MAP2K4: variants seen among roughly 807,000 people sequenced by gnomAD.
MAP2K4 encodes the protein dual specificity mitogen-activated protein kinase kinase 4.
MAP2K4 carries 4 observed loss-of-function variants against 48.5 expected under a neutral mutation model. That is an observed-to-expected ratio of 0.08 (90% confidence interval 0.04 to 0.19). The LOEUF (loss-of-function observed/expected upper bound fraction) is 0.19, where lower values mean the gene tolerates loss of function less well. Among genes scored for constraint, MAP2K4 ranks in the 10% least tolerant of loss-of-function variants. The pLI, the probability that MAP2K4 is intolerant of heterozygous loss-of-function variation, is 1.00. For synonymous variants in MAP2K4, 166 were observed against 173.1 expected, an observed-to-expected ratio of 0.96 and a Z score of 0.32; for missense variants, 258 against 493.3, an observed-to-expected ratio of 0.52 and a Z score of 4.52.
At chr17:12,039,345 T>A (rs930890186) in intron 1 of MAP2K4, among the ~76,000 whole-genome samples, 9 of 152,208 alleles carry the variant, frequency 5.9e-5, no homozygotes, top group Non-Finnish European at 1.3e-4. Context: ...CACCCCACTT[T>A]CTTTTTGGCA....
At chr17:12,130,417 A>G (rs945174843) in intron 9 of MAP2K4, among the ~76,000 whole-genome samples, 1 of 152,212 alleles carries the variant, frequency 6.6e-6, no homozygotes, top group Non-Finnish European at 1.5e-5. Flanking sequence ...ATAATTGCAT[A>G]AATGTGATCA....
intron 9 of MAP2K4, among the ~76,000 whole-genome samples, chr17:12,135,406 A>C (rs1387768503): frequency 6.6e-6 from 1 of 151,912 alleles, no homozygotes; most frequent in African/African-American, 2.4e-5. Flanking sequence ...TTCTTAAAAA[A>C]ATTTTTGTAG....
intron 2 of MAP2K4, among the ~76,000 whole-genome samples, chr17:12,070,654 A>G (rs1199342854): frequency 1.3e-5 from 2 of 152,220 alleles, no homozygotes; most frequent in Non-Finnish European, 2.9e-5. Context: ...CATTTATATC[A>G]TGTAGTCAGC....
Position 12,081,290 on chromosome 17 carries a change from G to A in MAP2K4, c.219-66G>A. The A allele has an allele frequency of 7.0e-6, 9 of 1,277,780 alleles. No individual in the cohort carries two copies. The highest frequency in any genetic ancestry group is 1.5e-5 in the African/African-American group (1 of 66,728). The allele number at this position is 1,277,780 out of a possible 1,614,324, so 79.2% of individuals were successfully genotyped here. On this transcript the variant is annotated intron_variant, in intron 2 of 10. Coordinates refer to ENST00000353533, the MANE Select transcript of MAP2K4 (RefSeq NM_003010.4). The surrounding 1 kb of genome is among the most constrained non-coding windows in gnomAD (Gnocchi z 4.2). Reference sequence around the variant, plus strand: ...AAACATTTTTCCCACACATTAATCAGTACTAAAAGAAAAAAGTTAAAACCT... The same window carrying A: ...AAACATTTTTCCCACACATTAATCAATACTAAAAGAAAAAAGTTAAAACCT...
chr17:12,061,499 A>G (rs1220564948), intron 2 of MAP2K4, among the ~76,000 whole-genome samples: 1 of 152,144 alleles, frequency 6.6e-6, no homozygotes, highest in Non-Finnish European at 1.5e-5. Flanking sequence ...TACCCCCTTG[A>G]GATTCACATT....
intron 2 of MAP2K4, among the ~76,000 whole-genome samples, chr17:12,066,871 A>G (rs1970633228): frequency 6.6e-6 from 1 of 152,074 alleles, no homozygotes. Flanking sequence ...TTGTATTTTT[A>G]GTAGAGACGG....
intron 3 of MAP2K4, among the ~76,000 whole-genome samples, chr17:12,085,253 G>A (rs1219536248): frequency 6.6e-6 from 1 of 152,126 alleles, no homozygotes; most frequent in Non-Finnish European, 1.5e-5. Flanking sequence ...ATGATGGCAG[G>A]CAGTGGAATC....
chr17:12,128,372 C>T (rs1003466321), intron 8 of MAP2K4, among the ~76,000 whole-genome samples: 15 of 152,274 alleles, frequency 9.9e-5, no homozygotes, highest in East Asian at 3.9e-4. Context: ...CCACTGTGCC[C>T]GGCCTAATTG....
rs764369053 is a variant in MAP2K4 at position 12,129,120 on chromosome 17, TC to T, written c.892-17del. ...ATGATGCCTGGTGTATTTTGCTCTT[TC>T]CTCTTTGTTCTCTTTAGTATGAGTT... On this transcript the variant is annotated intron_variant, in intron 8 of 10. Transcript: ENST00000353533. 1 of 1,611,882 alleles carries T rather than the reference TC, an allele frequency of 6.2e-7. No individual in the cohort carries two copies. Among genetic ancestry groups the T allele is most frequent in the Non-Finnish European group, 8.5e-7 (1 of 1,179,214 alleles).
chr17:12,085,974 A>T (rs1971347512), intron 3 of MAP2K4, among the ~76,000 whole-genome samples: 1 of 152,160 alleles, frequency 6.6e-6, no homozygotes, highest in Non-Finnish European at 1.5e-5. Context: ...ATGATGATGA[A>T]TAATGATTTG....
chr17:12,123,332 T>G (rs1597491471), intron 7 of MAP2K4, among the ~76,000 whole-genome samples: 1 of 152,216 alleles, frequency 6.6e-6, no homozygotes, highest in East Asian at 1.9e-4. Context: ...TGGTAGGTTT[T>G]CATTTTCAGA....
chr17:12,110,122 TAAAC>T (rs1233421496), intron 5 of MAP2K4, among the ~76,000 whole-genome samples: 1 of 152,160 alleles, frequency 6.6e-6, no homozygotes, highest in African/African-American at 2.4e-5. Context: ...AATGAATTAT[TAAAC>T]AAATTATAAG....
chr17:12,095,396 T>A (rs1971701881), intron 3 of MAP2K4, 179 bp from the exon 4 acceptor site: 1 of 690,696 alleles, frequency 1.4e-6, no homozygotes, highest in African/African-American at 1.8e-5. Context: ...TTAAACTTTC[T>A]GTGATTAAAG....
intron 4 of MAP2K4, among the ~76,000 whole-genome samples, chr17:12,101,673 T>C (rs1405232894): frequency 6.6e-6 from 1 of 152,172 alleles, no homozygotes; most frequent in Non-Finnish European, 1.5e-5. Flanking sequence ...GGCATCTCAC[T>C]TTATTATTTT....
At chr17:12,074,001 C>T (rs752643174) in intron 2 of MAP2K4, among the ~76,000 whole-genome samples, 1 of 151,954 alleles carries the variant, frequency 6.6e-6, no homozygotes, top group East Asian at 1.9e-4. Context: ...CTCAAACTCC[C>T]GACCTCGTGA....
At chr17:12,082,363 A>G (rs1971220251) in intron 3 of MAP2K4, among the ~76,000 whole-genome samples, 1 of 152,218 alleles carries the variant, frequency 6.6e-6, no homozygotes, top group Non-Finnish European at 1.5e-5. Flanking sequence ...AACAAAGGAA[A>G]AAAAGCTAGC....
chr17:12,092,020 A>G (rs1416610019), intron 3 of MAP2K4, among the ~76,000 whole-genome samples: 1 of 152,170 alleles, frequency 6.6e-6, no homozygotes. Context: ...AGTAGTGTTA[A>G]GTAAAAGAGC....
chr17:12,118,139 C>T (rs1003423333), intron 7 of MAP2K4, among the ~76,000 whole-genome samples: 2 of 152,238 alleles, frequency 1.3e-5, no homozygotes, highest in East Asian at 1.9e-4. Flanking sequence ...ATCTGCTGAT[C>T]ATGAAGCAGT....
At chr17:12,038,650 A>G (rs1021495829) in intron 1 of MAP2K4, among the ~76,000 whole-genome samples, 5 of 152,174 alleles carry the variant, frequency 3.3e-5, no homozygotes, top group Non-Finnish European at 5.9e-5. Flanking sequence ...ATGTGGTAGA[A>G]ATAATAACTC....
Sources: allele counts gnomAD v4.1 joint callset (sites outside exome capture counted in the v4.1 genomes callset), GRCh38; gene constraint gnomAD v4.1.1; non-coding constraint Gnocchi (gnomAD v3.1); transcripts MANE v1.5; gene names NCBI Gene and HGNC (gene_info 2026-07-23, HGNC 2026-07-21).